The following MESP1 variants were observed in gnomAD, a reference collection of about 807,000 sequenced individuals.
MESP1 encodes the protein mesoderm posterior bHLH transcription factor 1.
Under a neutral mutation model 15.2 loss-of-function variants are expected in MESP1, and 22 were observed. That is an observed-to-expected ratio of 1.45 (90% CI 1.04 to 2.07). MESP1 has a LOEUF of 2.07. Among genes scored for constraint, MESP1 ranks in the 30% most tolerant of loss-of-function variants. MESP1 has a pLI of 0.00. For missense variants in MESP1, 484 were observed against 411.9 expected (o/e 1.17, Z -1.51); for synonymous variants, 216 against 192.6 (o/e 1.12, Z -1.01).
the MESP1 span, chr15:89,737,854 A>T: frequency 2.1e-6 from 3 of 1,413,466 alleles, no homozygotes; most frequent in Non-Finnish European, 2.9e-6. Context: ...GCCAAAGGGT[A>T]CCGCAGCTCA....
At chr15:89,743,648 T>A in the MESP1 span, 2 of 515,898 alleles carry the variant, frequency 3.9e-6, no homozygotes, top group Non-Finnish European at 7.0e-6. Context: ...ACTCCCAAGT[T>A]GCTGTGGTAT....
chr15:89,733,038 G>A, the MESP1 span: 1 of 1,614,092 alleles, frequency 6.2e-7, no homozygotes, highest in Non-Finnish European at 8.5e-7. Context: ...TCTTCCTCAG[G>A]GATGTTTCTG....
At position 89,751,132 on chromosome 15, in the gene MESP1, G is replaced by C. The variant is rs202179989; in HGVS notation, c.100C>G (p.Arg34Gly). ...GAGTCTGGGGACGAGACGAGGGAGCGGCCGCAGTCCTTGTCGGAGGGCGGC... is the reference window on the plus strand; with the variant it reads ...GAGTCTGGGGACGAGACGAGGGAGCCGCCGCAGTCCTTGTCGGAGGGCGGC... ...RPPPSDKDCG[R>G]SLVSSPDSWG... is the part of the protein sequence containing the mutation. The change falls in exon 1 of 2, where the codon CGC becomes GGC. Residue 34 changes from arginine (R) to glycine (G), a missense_variant. Arg to Gly is a moderately radical substitution (Grantham distance 125, BLOSUM62 -2). Coordinates refer to ENST00000300057, the MANE Select transcript of MESP1 (RefSeq NM_018670.4). 2,104 of 1,278,954 alleles carry C rather than the reference G, an allele frequency of 1.6e-3. 36 individuals are homozygous for C. In the African/African-American group the frequency reaches 0.029, roughly 18 times the overall value. The allele number at this position is 1,278,954 out of a possible 1,614,324, so 79.2% of individuals were successfully genotyped here.
At chr15:89,737,196 T>C in the MESP1 span, among the ~76,000 whole-genome samples, 1 of 152,076 alleles carries the variant, frequency 6.6e-6, no homozygotes, top group Non-Finnish European at 1.5e-5. Flanking sequence ...GGAGGGGCTG[T>C]TAGATTGAGC....
chr15:89,745,236 T>G (rs1205481944), downstream of MESP1, among the ~76,000 whole-genome samples: 1 of 151,280 alleles, frequency 6.6e-6, no homozygotes, highest in African/African-American at 2.4e-5. The surrounding 1 kb of genome is among the most constrained non-coding windows in gnomAD (Gnocchi z 4.8). Flanking sequence ...GGAGAGCGGG[T>G]GGGGAGAGGG....
chr15:89,735,464 ATGTCTG>A, the MESP1 span: 1 of 1,611,324 alleles, frequency 6.2e-7, no homozygotes, highest in Non-Finnish European at 8.5e-7. Context: ...AAGTAGGAGA[ATGTCTG>A]TATATTTTCT....
chr15:89,750,787 G>A lies in MESP1; in HGVS notation c.445C>T (p.Arg149Cys). 1.3e-6 allele frequency: 2 copies of A among 1,516,674 alleles called. No homozygotes were observed. Among genetic ancestry groups the A allele is most frequent in the Non-Finnish European group, 8.8e-7 (1 of 1,138,500 alleles). The allele number at this position is 1,516,674 out of a possible 1,614,324, so 94.0% of individuals were successfully genotyped here. A position where few individuals can be genotyped will look rare whatever the true frequency, so the allele number is the denominator to read the frequency against. The change falls in exon 1 of 2, where the codon CGC becomes TGC. Residue 149 changes from arginine to cysteine, a missense_variant. Arg to Cys is a radical substitution (Grantham distance 180). Coordinates refer to ENST00000300057, the MANE Select transcript of MESP1 (RefSeq NM_018670.4). The part of the protein sequence containing the change: ...VLGLSEESLQ[R>C]RCRQRGDAGS... ...GCGTCACCGCGCTGCCGGCACCGGC[G>A]CTGGAGACTCTCCTCGCTGAGGCCT...
the MESP1 span, among the ~76,000 whole-genome samples, chr15:89,742,415 G>GC: frequency 1.1e-4 from 17 of 151,936 alleles, no homozygotes; most frequent in Admixed American, 6.6e-4. Flanking sequence ...CCCACTGACA[G>GC]CCCCCCCTCC....
At chr15:89,732,724 G>C in the MESP1 span, among the ~76,000 whole-genome samples, 1 of 151,938 alleles carries the variant, frequency 6.6e-6, no homozygotes, top group Admixed American at 6.6e-5. Flanking sequence ...TCCCTGGCTG[G>C]GTTGTAGCTT....
chr15:89,741,312 C>T, the MESP1 span, among the ~76,000 whole-genome samples: 2 of 152,092 alleles, frequency 1.3e-5, no homozygotes, highest in Non-Finnish European at 2.9e-5. Context: ...CTCACTGCAG[C>T]CTTGACTTCC....
At chr15:89,745,251 T>C (rs192797229), downstream of MESP1, among the ~76,000 whole-genome samples, 40 of 152,254 alleles carry the variant, frequency 2.6e-4, no homozygotes, top group Admixed American at 2.5e-3. This position sits in a 1 kb window ranked among gnomAD's most constrained non-coding sequence, Gnocchi z 4.8. Flanking sequence ...AGAGGGGATC[T>C]GAGGCATTCA....
downstream of MESP1, among the ~76,000 whole-genome samples, chr15:89,745,404 C>T (rs116533653): frequency 5.1e-3 from 783 of 152,306 alleles, 8 homozygotes; most frequent in African/African-American, 0.018. The surrounding 1 kb of genome is among the most constrained non-coding windows in gnomAD (Gnocchi z 4.8). Flanking sequence ...CCAGGCAGAG[C>T]TGGCCATGCC....
chr15:89,738,935 C>T, the MESP1 span, among the ~76,000 whole-genome samples: 7 of 151,788 alleles, frequency 4.6e-5, no homozygotes, highest in Non-Finnish European at 4.4e-5. Flanking sequence ...GCCAACATGG[C>T]GAAACCCCAT....
At chr15:89,743,489 C>T in the MESP1 span, 2 of 1,138,990 alleles carry the variant, frequency 1.8e-6, no homozygotes, top group South Asian at 1.3e-5. Context: ...AGAGCCACAG[C>T]TCCACAGGCC....
the MESP1 span, chr15:89,743,564 A>C: frequency 1.6e-6 from 1 of 619,464 alleles, no homozygotes; most frequent in Non-Finnish European, 2.8e-6. Context: ...GGGGACCTTC[A>C]ACCACTAAGC....
chr15:89,734,573 G>A, the MESP1 span, among the ~76,000 whole-genome samples: 1 of 152,166 alleles, frequency 6.6e-6, no homozygotes, highest in Non-Finnish European at 1.5e-5. Context: ...CCACATTCAA[G>A]CAGTAGAAAA....
chr15:89,750,081 A>C lies in MESP1; in HGVS notation c.*63T>G. 1.4e-6 allele frequency: 2 copies of C among 1,451,924 alleles called. No individual in the cohort carries two copies. Among genetic ancestry groups the C allele is most frequent in the Non-Finnish European group, 1.9e-6 (2 of 1,032,838 alleles). The allele number at this position is 1,451,924 out of a possible 1,614,324, so 89.9% of individuals were successfully genotyped here. A position where few individuals can be genotyped will look rare whatever the true frequency, so the allele number is the denominator to read the frequency against. ...AGGAAAGGCAGTCTGCCAAGGAACCACTTCGAAGGTGCTGAGGCCAAAAAG... is the reference window on the plus strand; with the variant it reads ...AGGAAAGGCAGTCTGCCAAGGAACCCCTTCGAAGGTGCTGAGGCCAAAAAG... On this transcript the variant is annotated 3_prime_UTR_variant, in exon 2 of 2. Transcript: ENST00000300057.
the MESP1 span, among the ~76,000 whole-genome samples, chr15:89,732,674 G>C: frequency 6.6e-6 from 1 of 150,654 alleles, no homozygotes; most frequent in Non-Finnish European, 1.5e-5. Context: ...GCCTCCCCCT[G>C]CCCATACGCC....
chr15:89,733,293 G>A, the MESP1 span: 1 of 1,420,394 alleles, frequency 7.0e-7, no homozygotes, highest in Non-Finnish European at 9.7e-7. Context: ...AGTAAAATCT[G>A]ACAGCCTCTC....
Sources: gnomAD v4.1 joint callset for allele counts (sites outside exome capture counted in the v4.1 genomes callset) on GRCh38, gnomAD v4.1.1 for gene constraint, Gnocchi (gnomAD v3.1) non-coding constraint, MANE v1.5 for transcripts, NCBI Gene and HGNC (gene_info 2026-07-23, HGNC 2026-07-21) for gene names.